The following NHSL3 variants were observed in gnomAD, a reference collection of about 807,000 sequenced individuals.
The protein encoded by NHSL3 is NHS-like protein 3.
At chr1:32,758,728 C>T in the NHSL3 span, among the ~76,000 whole-genome samples, 1 of 152,116 alleles carries the variant, frequency 6.6e-6, no homozygotes, top group South Asian at 2.1e-4. Flanking sequence ...CTTTGAAGAT[C>T]ATCTCTCCAA....
At chr1:32,755,734 T>A in the NHSL3 span, among the ~76,000 whole-genome samples, 1 of 152,208 alleles carries the variant, frequency 6.6e-6, no homozygotes, top group Non-Finnish European at 1.5e-5. Context: ...AAGGGTTAAC[T>A]AAGTTCAGTT....
At chr1:32,754,220 G>A in the NHSL3 span, 260 of 707,592 alleles carry the variant, frequency 3.7e-4, no homozygotes, top group African/African-American at 4.3e-3. Context: ...AGGGAGGAGG[G>A]TCCCTACTGC....
the NHSL3 span, chr1:32,772,744 G>T: frequency 1.0e-6 from 1 of 992,876 alleles, no homozygotes; most frequent in Non-Finnish European, 1.6e-6. Flanking sequence ...CCAGTGCTGC[G>T]GGCACTGTCA....
chr1:32,750,518 AT>A, the NHSL3 span, among the ~76,000 whole-genome samples: 1 of 151,852 alleles, frequency 6.6e-6, no homozygotes, highest in South Asian at 2.1e-4. Flanking sequence ...TTTCATTTTT[AT>A]TTTTTGAGAC....
At chr1:32,771,397 C>A in the NHSL3 span, 2 of 1,558,258 alleles carry the variant, frequency 1.3e-6, no homozygotes, top group Non-Finnish European at 1.8e-6. Flanking sequence ...TTATCATCCA[C>A]CCCCACCACC....
chr1:32,753,813 G>A, the NHSL3 span, among the ~76,000 whole-genome samples: 1 of 152,216 alleles, frequency 6.6e-6, no homozygotes, highest in African/African-American at 2.4e-5. Context: ...GGACTGGCCA[G>A]GCCTTCCCCT....
chr1:32,759,143 G>A, the NHSL3 span, among the ~76,000 whole-genome samples: 6 of 152,102 alleles, frequency 3.9e-5, no homozygotes, highest in African/African-American at 1.4e-4. Flanking sequence ...GCAAGTCTCT[G>A]ACCCTTGGGG....
the NHSL3 span, among the ~76,000 whole-genome samples, chr1:32,757,248 G>T: frequency 6.6e-6 from 1 of 152,178 alleles, no homozygotes; most frequent in Non-Finnish European, 1.5e-5. Flanking sequence ...GAGGTCTGGA[G>T]TCTGCAGGCC....
chr1:32,772,785 G>C, the NHSL3 span: 1 of 1,344,274 alleles, frequency 7.4e-7, no homozygotes, highest in Non-Finnish European at 1.1e-6. Context: ...GGTTGGGTGA[G>C]GGTATGCTTT....
At chr1:32,767,921 C>T in the NHSL3 span, 1 of 1,614,068 alleles carries the variant, frequency 6.2e-7, no homozygotes, top group Non-Finnish European at 8.5e-7. Context: ...GCTGCACACT[C>T]AGGCCCAGGA....
At chr1:32,770,675 C>T in the NHSL3 span, 2 of 1,526,172 alleles carry the variant, frequency 1.3e-6, no homozygotes, top group Non-Finnish European at 1.8e-6. This position sits in a 1 kb window ranked among gnomAD's most constrained non-coding sequence, Gnocchi z 8.3. Flanking sequence ...CGGCCTCCAC[C>T]CCCTCCCCGC....
At chr1:32,771,930 A>G in the NHSL3 span, 1 of 1,599,642 alleles carries the variant, frequency 6.3e-7, no homozygotes, top group South Asian at 1.1e-5. Flanking sequence ...GGGCCCTGTC[A>G]GGGCGGGCCA....
At chr1:32,770,651 T>C in the NHSL3 span, 2 of 1,522,454 alleles carry the variant, frequency 1.3e-6, no homozygotes, top group South Asian at 1.3e-5. The surrounding 1 kb of genome is among the most constrained non-coding windows in gnomAD (Gnocchi z 8.3). Flanking sequence ...AGTGTGTCCC[T>C]GCGTAAGCTG....
chr1:32,758,707 T>C, the NHSL3 span, among the ~76,000 whole-genome samples: 12 of 152,228 alleles, frequency 7.9e-5, no homozygotes, highest in Admixed American at 7.8e-4. Flanking sequence ...AAGTCATCCA[T>C]GGTGAGGGCT....
chr1:32,767,595 A>G, the NHSL3 span, among the ~76,000 whole-genome samples: 3 of 151,938 alleles, frequency 2.0e-5, no homozygotes, highest in Admixed American at 6.6e-5. Flanking sequence ...GTTTGTGTAT[A>G]TGGGGGCTGT....
the NHSL3 span, among the ~76,000 whole-genome samples, chr1:32,743,952 C>T: frequency 6.6e-6 from 1 of 152,226 alleles, no homozygotes. Flanking sequence ...TTTACTCCAG[C>T]CTCCTATTAT....
At chr1:32,770,721 G>C in the NHSL3 span, 12 of 1,550,348 alleles carry the variant, frequency 7.7e-6, no homozygotes, top group Admixed American at 3.8e-5. The surrounding 1 kb of genome is among the most constrained non-coding windows in gnomAD (Gnocchi z 8.3). Flanking sequence ...GCTTAGCAGT[G>C]CCTGATGGGC....
At chr1:32,770,771 C>T in the NHSL3 span, 1 of 1,579,874 alleles carries the variant, frequency 6.3e-7, no homozygotes, top group South Asian at 1.1e-5. The surrounding 1 kb of genome is among the most constrained non-coding windows in gnomAD (Gnocchi z 8.3). Context: ...AAGCAGCAGC[C>T]CCAGCTGCCT....
the NHSL3 span, chr1:32,742,223 G>T: frequency 8.1e-7 from 1 of 1,241,050 alleles, no homozygotes; most frequent in Admixed American, 4.2e-5. Flanking sequence ...GAGCGCGGGG[G>T]GGCGTCGAGG....
Sources: allele counts gnomAD v4.1 joint callset (sites outside exome capture counted in the v4.1 genomes callset), GRCh38; gene constraint gnomAD v4.1.1; non-coding constraint Gnocchi (gnomAD v3.1); transcripts MANE v1.5; gene names NCBI Gene and HGNC (gene_info 2026-07-23, HGNC 2026-07-21).